The following GALNTL6 variants were observed in gnomAD, a reference collection of about 807,000 sequenced individuals.
GALNTL6 encodes the protein polypeptide N-acetylgalactosaminyltransferase like 6.
Under a neutral mutation model 73.7 loss-of-function variants are expected in GALNTL6, and 46 were observed. The ratio of observed to expected loss-of-function variants is 0.62; its 90% CI spans 0.49 to 0.80. GALNTL6 has a LOEUF of 0.80. Among genes scored for constraint, GALNTL6 ranks in the 30% least tolerant of loss-of-function variants. GALNTL6 has a pLI of 0.00. For missense variants in GALNTL6, 604 were observed against 755.0 expected (o/e 0.80, Z 2.34); for synonymous variants, 259 against 263.7 (o/e 0.98, Z 0.17).
intron 2 of GALNTL6, among the ~76,000 whole-genome samples, chr4:171,955,252 C>A (rs1203042687): frequency 6.6e-6 from 1 of 152,054 alleles, no homozygotes. Context: ...GTCTCTAATT[C>A]CACCACCGAA....
intron 4 of GALNTL6, among the ~76,000 whole-genome samples, chr4:172,339,304 C>CACACACAA (rs1429716102): frequency 7.1e-6 from 1 of 140,252 alleles, no homozygotes; most frequent in African/African-American, 2.8e-5. Context: ...CACACACACA[C>CACACACAA]ACACACACAC....
intron 5 of GALNTL6, among the ~76,000 whole-genome samples, chr4:172,530,782 A>G (rs768558342): frequency 4.6e-5 from 7 of 152,238 alleles, no homozygotes; most frequent in Non-Finnish European, 5.9e-5. Context: ...GTACATACAA[A>G]TAGAAATAAC....
intron 5 of GALNTL6, among the ~76,000 whole-genome samples, chr4:172,649,074 T>G (rs1365469149): frequency 6.6e-6 from 1 of 152,166 alleles, no homozygotes; most frequent in Non-Finnish European, 1.5e-5. Context: ...ACTAAGTTTA[T>G]TTTTACCCCA....
intron 2 of GALNTL6, among the ~76,000 whole-genome samples, chr4:171,832,831 G>T (rs1735014369): frequency 6.6e-6 from 1 of 151,696 alleles, no homozygotes; most frequent in Non-Finnish European, 1.5e-5. Flanking sequence ...CTGGTGGTAA[G>T]CATTACACGC....
intron 5 of GALNTL6, among the ~76,000 whole-genome samples, chr4:172,730,332 A>G (rs1350043435): frequency 6.6e-6 from 1 of 152,136 alleles, no homozygotes; most frequent in East Asian, 1.9e-4. Context: ...TAGGTCTTCC[A>G]TGTTTCTCCA....
intron 7 of GALNTL6, among the ~76,000 whole-genome samples, chr4:172,876,297 A>G (rs904437707): frequency 6.6e-6 from 1 of 152,218 alleles, no homozygotes. Context: ...ACCATGATTT[A>G]TAATTTTGTT....
At chr4:172,289,501 A>T (rs994513425) in intron 3 of GALNTL6, among the ~76,000 whole-genome samples, 1 of 152,172 alleles carries the variant, frequency 6.6e-6, no homozygotes, top group African/African-American at 2.4e-5. Flanking sequence ...CTCATATTAC[A>T]TTTATTTTCT....
chr4:172,479,912 CT>C (rs1166239491), intron 5 of GALNTL6, among the ~76,000 whole-genome samples: 1 of 152,198 alleles, frequency 6.6e-6, no homozygotes, highest in East Asian at 1.9e-4. Flanking sequence ...TGTTGGTTTA[CT>C]GATTCTCTTA....
Position 172,229,672 on chromosome 4 carries a change from T to C in GALNTL6, c.155T>C (p.Leu52Pro), listed in dbSNP as rs1236687699. Reference protein sequence around the residue: ...PGEQQTFPLGLGDGQFYSWTD... With the variant: ...PGEQQTFPLGPGDGQFYSWTD... Reference sequence around the variant, plus strand: ...TTTCCACAGACATTTCCACTGGGCCTGGGAGATGGGCAATTCTATTCATGG... The same window carrying C: ...TTTCCACAGACATTTCCACTGGGCCCGGGAGATGGGCAATTCTATTCATGG... The change falls in exon 3 of 13, where the codon CTG becomes CCG. Residue 52 changes from leucine to proline, a missense_variant. Physicochemically the swap from Leu to Pro is moderately conservative, Grantham distance 98 (BLOSUM62 -3). This residue lies in a region of GALNTL6 where 141 missense variants were observed against 156.6 expected (regional missense o/e 0.90). Transcript: ENST00000506823. 1 of 1,612,354 alleles carries C rather than the reference T, an allele frequency of 6.2e-7. No individual in the cohort carries two copies. Among genetic ancestry groups the C allele is most frequent in the South Asian group, 1.1e-5 (1 of 91,016 alleles).
chr4:172,391,267 C>T (rs1008016802), intron 5 of GALNTL6, among the ~76,000 whole-genome samples: 8 of 152,170 alleles, frequency 5.3e-5, no homozygotes, highest in South Asian at 4.1e-4. Context: ...AGGAGAGGAA[C>T]GCTGTGTCCT....
At chr4:172,664,738 C>T (rs1731568899) in intron 5 of GALNTL6, among the ~76,000 whole-genome samples, 1 of 152,192 alleles carries the variant, frequency 6.6e-6, no homozygotes. Context: ...GACTCTCTTT[C>T]TTCCTACATA....
chr4:172,958,434 G>A (rs1027523701), intron 10 of GALNTL6, among the ~76,000 whole-genome samples: 1 of 152,146 alleles, frequency 6.6e-6, no homozygotes, highest in Admixed American at 6.5e-5. Flanking sequence ...TGTCTTCAAG[G>A]AACAGAAAGA....
intron 7 of GALNTL6, among the ~76,000 whole-genome samples, chr4:172,839,282 TGA>T (rs747971961): frequency 5.9e-5 from 9 of 152,346 alleles, no homozygotes; most frequent in Non-Finnish European, 8.8e-5. Flanking sequence ...TATTGAAGAC[TGA>T]GAGACTACCT....
At chr4:171,818,716 C>T (rs555494760) in intron 2 of GALNTL6, among the ~76,000 whole-genome samples, 1 of 151,920 alleles carries the variant, frequency 6.6e-6, no homozygotes, top group East Asian at 1.9e-4. Context: ...GTCCTGAGAG[C>T]TCACACCTTA....
At chr4:172,109,740 C>T (rs971992487) in intron 2 of GALNTL6, among the ~76,000 whole-genome samples, 1 of 152,156 alleles carries the variant, frequency 6.6e-6, no homozygotes, top group African/African-American at 2.4e-5. Flanking sequence ...GCAAAGCTCC[C>T]ATTTGTTGCT....
chr4:171,909,261 A>C (rs1737401775), intron 2 of GALNTL6, among the ~76,000 whole-genome samples: 1 of 152,046 alleles, frequency 6.6e-6, no homozygotes, highest in Non-Finnish European at 1.5e-5. Context: ...CACAGTGATG[A>C]TGATCATATT....
At chr4:172,974,738 T>C (rs746411355) in intron 10 of GALNTL6, among the ~76,000 whole-genome samples, 20 of 152,338 alleles carry the variant, frequency 1.3e-4, no homozygotes, top group Non-Finnish European at 2.4e-4. Context: ...AAGTGCAGAC[T>C]GGTGAGGGGT....
At chr4:172,130,174 T>C (rs963458561) in intron 2 of GALNTL6, among the ~76,000 whole-genome samples, 1 of 123,370 alleles carries the variant, frequency 8.1e-6, no homozygotes. Context: ...GTAGATCTCA[T>C]TACAGAATTT....
chr4:172,355,352 G>A (rs547108630), intron 5 of GALNTL6, among the ~76,000 whole-genome samples: 7 of 152,136 alleles, frequency 4.6e-5, no homozygotes, highest in East Asian at 1.9e-4. Context: ...TCTAATGTAC[G>A]TTGTTTGAGA....
Sources: allele counts gnomAD v4.1 joint callset (sites outside exome capture counted in the v4.1 genomes callset), GRCh38; gene constraint gnomAD v4.1.1; regional missense constraint gnomAD v4.1.1; transcripts MANE v1.5; gene names NCBI Gene and HGNC (gene_info 2026-07-23, HGNC 2026-07-21).